The following PCLO variants were observed in gnomAD, a reference collection of about 807,000 sequenced individuals.
PCLO encodes the protein protein piccolo.
PCLO carries 82 observed loss-of-function variants against 427.5 expected under a neutral mutation model. The ratio of observed to expected loss-of-function variants is 0.19; its 90% CI spans 0.16 to 0.23. The LOEUF (loss-of-function observed/expected upper bound fraction) is 0.23. Ranked by LOEUF, PCLO falls within the 10% of genes least tolerant of loss-of-function variation. PCLO has a pLI of 1.00. For synonymous variants in PCLO, 2,357 were observed against 2,155.4 expected (o/e 1.09, Z -2.59); for missense variants, 6,239 against 6,115.9 (o/e 1.02, Z -0.67).
chr7:83,156,223 A>C lies in PCLO; in HGVS notation c.418T>G (p.Ser140Ala). The C allele has an allele frequency of 1.2e-6, 2 of 1,613,606 alleles. No individual in the cohort carries two copies. The highest frequency in any genetic ancestry group is 1.7e-6 in the Non-Finnish European group (2 of 1,179,778). ...PSTISLKESK[S>A]RTDLKEEHKS... Reference sequence around the variant, plus strand: ...TGCTCTTCCTTTAAATCAGTTCTGGACTTTGATTCTTTCAAGCTAATAGTG... The same window carrying C: ...TGCTCTTCCTTTAAATCAGTTCTGGCCTTTGATTCTTTCAAGCTAATAGTG... The change falls in exon 2 of 25, where the codon TCC becomes GCC. Residue 140 changes from serine (S) to alanine (A), a missense_variant. Ser to Ala is a moderately conservative substitution (Grantham distance 99). Transcript: ENST00000333891.
At chr7:82,999,080 G>A (rs1415576928) in intron 3 of PCLO, among the ~76,000 whole-genome samples, 5 of 148,692 alleles carry the variant, frequency 3.4e-5, no homozygotes, top group Middle Eastern at 3.6e-3. Context: ...GGGATAGTGG[G>A]CAAATTAAAG....
chr7:82,816,933 T>G (rs1245278262), intron 20 of PCLO, among the ~76,000 whole-genome samples: 1 of 152,070 alleles, frequency 6.6e-6, no homozygotes, highest in African/African-American at 2.4e-5. Flanking sequence ...ATGGTCAGAG[T>G]TCTACATTTA....
intron 9 of PCLO, among the ~76,000 whole-genome samples, chr7:82,891,362 T>C (rs1029819476): frequency 3.3e-5 from 5 of 152,160 alleles, no homozygotes; most frequent in African/African-American, 1.2e-4. Flanking sequence ...ATAAGAATGC[T>C]TGTGATTTTT....
rs560118766 is a variant in PCLO, at chr7:83,114,334, G to A, written c.3300+19916C>T. Among the ~76,000 whole-genome samples, 60 of 152,212 alleles carry A rather than the reference G, an allele frequency of 3.9e-4. No individual in the cohort carries two copies. In the South Asian group the frequency reaches 0.012, roughly 29 times the overall value. On this transcript the variant is annotated intron_variant, in intron 3 of 24. Coordinates refer to ENST00000333891, the MANE Select transcript of PCLO (RefSeq NM_033026.6). ...ATTAGGGAACATGATGTGGGGTCAAGAGAAAGTGATATTTGGGATAAATCT... is the reference window on the plus strand; with the variant it reads ...ATTAGGGAACATGATGTGGGGTCAAAAGAAAGTGATATTTGGGATAAATCT...
intron 8 of PCLO, among the ~76,000 whole-genome samples, chr7:82,906,932 A>G (rs149557772): frequency 3.5e-4 from 53 of 152,150 alleles, no homozygotes; most frequent in Non-Finnish European, 6.0e-4. Context: ...AATTTATTAA[A>G]TGATTCTCAA....
At chr7:82,892,547 C>T (rs928865522) in intron 9 of PCLO, among the ~76,000 whole-genome samples, 5 of 151,988 alleles carry the variant, frequency 3.3e-5, no homozygotes, top group Non-Finnish European at 7.4e-5. Context: ...ACACCAAAAG[C>T]AATGGCAACA....
intron 10 of PCLO, among the ~76,000 whole-genome samples, chr7:82,859,178 T>G (rs1792888697): frequency 1.1e-5 from 1 of 89,972 alleles, no homozygotes; most frequent in Non-Finnish European, 2.3e-5. Context: ...CTGGTGGACC[T>G]CACCACCCTG....
At chr7:83,162,304 T>G (rs1792459903) in intron 1 of PCLO, 41 bp downstream of exon 1, 1 of 1,548,752 alleles carries the variant, frequency 6.5e-7, no homozygotes, top group South Asian at 1.2e-5. Flanking sequence ...CACGGGAAGC[T>G]GTACATATAT....
intron 3 of PCLO, among the ~76,000 whole-genome samples, chr7:83,121,302 T>A (rs1041083327): frequency 2.6e-5 from 4 of 152,052 alleles, no homozygotes. Flanking sequence ...GCAACCAGAG[T>A]TGTCAAAAAT....
chr7:82,998,215 C>A (rs1271343543), intron 3 of PCLO, among the ~76,000 whole-genome samples: 1 of 151,844 alleles, frequency 6.6e-6, no homozygotes, highest in African/African-American at 2.4e-5. Flanking sequence ...CCAGGAAGAA[C>A]AAGTCACTAA....
intron 18 of PCLO, among the ~76,000 whole-genome samples, chr7:82,824,785 T>C (rs920562390): frequency 3.3e-5 from 5 of 149,334 alleles, no homozygotes; most frequent in African/African-American, 1.2e-4. Flanking sequence ...CTGCTAAAAA[T>C]ACAAAAAAAA....
In PCLO at chr7:82,949,848, A is replaced by G; in HGVS notation, c.10740T>C (p.Tyr3580=). 2 of 1,613,634 alleles carry G rather than the reference A, an allele frequency of 1.2e-6. No homozygotes were observed. The highest frequency in any genetic ancestry group is 1.7e-6 in the Non-Finnish European group (2 of 1,179,814). Residue 3580 remains tyrosine (Y), a synonymous_variant, in exon 6 of 25, where the codon TAT becomes TAC. Coordinates refer to ENST00000333891, the MANE Select transcript of PCLO (RefSeq NM_033026.6). ...CTTTGGGTGGAGATGTGGCACTCAG[A>G]TATTGAGGACTTTGTGTGTCTGAAT... is the stretch of plus-strand genomic sequence containing the variant. The part of the protein sequence containing the change: ...EADSDTQSPQ[Y]LSATSPPKDK...
rs553825062 is a variant in PCLO at position 82,952,552 on chromosome 7, T to C, written c.8401A>G (p.Thr2801Ala). The C allele has an allele frequency of 1.2e-6, 2 of 1,613,936 alleles. No homozygotes were observed. The highest frequency in any genetic ancestry group is 2.2e-5 in the South Asian group (2 of 91,084). Residue 2801 changes from threonine to alanine, a missense_variant, in exon 5 of 25, where the codon ACA becomes GCA. This residue lies in a region of PCLO where 4,677 missense variants were observed against 4,468.4 expected (regional missense o/e 1.05). Coordinates refer to ENST00000333891, the MANE Select transcript of PCLO (RefSeq NM_033026.6). ...CCTGTAGTGTAACTTGCACTAGCTG[T>C]GCATGTGACAAAGGTCACTGTCTCA... ...ATETVTFVTCTASASYTTGTE... is the reference protein window; with the variant it reads ...ATETVTFVTCAASASYTTGTE...
At chr7:83,050,413 T>C (rs1789221695) in intron 3 of PCLO, among the ~76,000 whole-genome samples, 1 of 151,714 alleles carries the variant, frequency 6.6e-6, no homozygotes, top group Non-Finnish European at 1.5e-5. Context: ...ATTTCTTGGC[T>C]TCAAACACCA....
At chr7:82,769,402 C>T (rs935165487) in intron 22 of PCLO, among the ~76,000 whole-genome samples, 3 of 152,012 alleles carry the variant, frequency 2.0e-5, no homozygotes, top group South Asian at 4.1e-4. Context: ...TGTGAAATTG[C>T]TAAAACATGA....
At chr7:82,962,213 A>T (rs964047488) in intron 4 of PCLO, among the ~76,000 whole-genome samples, 4 of 152,168 alleles carry the variant, frequency 2.6e-5, no homozygotes, top group Non-Finnish European at 4.4e-5. Context: ...AAACCTCTGT[A>T]ATTTTCAGAA....
intron 16 of PCLO, 109 bp downstream of exon 16, chr7:82,835,558 A>G: frequency 1.3e-6 from 1 of 758,054 alleles, no homozygotes; most frequent in Non-Finnish European, 2.2e-6. Flanking sequence ...ATGTAGAAAA[A>G]TATAAGTTAC....
At chr7:83,029,619 C>A (rs1331928329) in intron 3 of PCLO, among the ~76,000 whole-genome samples, 1 of 124,366 alleles carries the variant, frequency 8.0e-6, no homozygotes, top group Non-Finnish European at 1.7e-5. Context: ...GGGTATATAC[C>A]CAAAGGACTA....
intron 2 of PCLO, among the ~76,000 whole-genome samples, chr7:83,141,027 T>C (rs1257972676): frequency 6.6e-6 from 1 of 152,222 alleles, no homozygotes; most frequent in African/African-American, 2.4e-5. Context: ...TCACAGAAGA[T>C]GGAGAAGTTA....
Sources: allele counts gnomAD v4.1 joint callset (sites outside exome capture counted in the v4.1 genomes callset), GRCh38; gene constraint gnomAD v4.1.1; regional missense constraint gnomAD v4.1.1; transcripts MANE v1.5; gene names NCBI Gene and HGNC (gene_info 2026-07-23, HGNC 2026-07-21).